AGBL1: variants seen among roughly 807,000 people sequenced by gnomAD.
AGBL1 encodes AGBL carboxypeptidase 1.
AGBL1 carries 130 observed loss-of-function variants against 118.9 expected under a neutral mutation model. The ratio of observed to expected loss-of-function variants is 1.09; its 90% CI spans 0.95 to 1.26. The LOEUF (loss-of-function observed/expected upper bound fraction) is 1.26. Ranked by LOEUF, AGBL1 falls within the 50% of genes most tolerant of loss-of-function variation. The probability of loss-of-function intolerance (pLI) is 0.00; values close to 1 mark genes in which losing one functional copy is unlikely to be tolerated. For synonymous variants in AGBL1, 555 were observed against 478.9 expected, an observed-to-expected ratio of 1.16 and a Z score of -2.08; for missense variants, 1,584 against 1,298.1, an observed-to-expected ratio of 1.22 and a Z score of -3.38.
At chr15:86,725,551 T>A (rs183893654) in intron 22 of AGBL1, among the ~76,000 whole-genome samples, 1 of 152,356 alleles carries the variant, frequency 6.6e-6, no homozygotes, top group East Asian at 1.9e-4. Context: ...AGACAAAGGC[T>A]TGAGATAAAT....
chr15:86,265,234 A>T (rs909921157), intron 11 of AGBL1, among the ~76,000 whole-genome samples: 24 of 152,206 alleles, frequency 1.6e-4, no homozygotes, highest in African/African-American at 5.1e-4. Flanking sequence ...CTACAAATTG[A>T]TAGGGGATCT....
intron 1 of AGBL1, among the ~76,000 whole-genome samples, chr15:86,125,635 A>G (rs1261350957): frequency 6.6e-6 from 1 of 152,204 alleles, no homozygotes; most frequent in Non-Finnish European, 1.5e-5. Flanking sequence ...ACTCTCTATG[A>G]CTGTATGTCC....
chr15:86,491,456 G>T (rs929193486), intron 18 of AGBL1, among the ~76,000 whole-genome samples: 3 of 152,080 alleles, frequency 2.0e-5, no homozygotes, highest in Non-Finnish European at 2.9e-5. Context: ...ATTCTGTGAG[G>T]CTTTCAGGCA....
chr15:86,850,918 A>G (rs1056972121), intron 22 of AGBL1, among the ~76,000 whole-genome samples: 6 of 152,190 alleles, frequency 3.9e-5, no homozygotes, highest in Non-Finnish European at 7.3e-5. Context: ...GTGAAGCATA[A>G]TATTTTATTA....
chr15:86,707,102 T>G (rs2086464195), intron 22 of AGBL1, among the ~76,000 whole-genome samples: 1 of 152,140 alleles, frequency 6.6e-6, no homozygotes, highest in Admixed American at 6.6e-5. Context: ...TCTCTAGTTT[T>G]GCTAGCTATG....
At chr15:86,867,944 A>G (rs1330729642) in intron 22 of AGBL1, among the ~76,000 whole-genome samples, 2 of 152,214 alleles carry the variant, frequency 1.3e-5, no homozygotes, top group African/African-American at 2.4e-5. Context: ...GGAAATAGCA[A>G]TCGTTACAGA....
chr15:86,675,206 G>A, intron 22 of AGBL1, among the ~76,000 whole-genome samples: 1 of 152,130 alleles, frequency 6.6e-6, no homozygotes, highest in East Asian at 1.9e-4. Context: ...GAGAAATTGA[G>A]TTGTTGGGGA....
intron 5 of AGBL1, among the ~76,000 whole-genome samples, chr15:86,221,661 G>A (rs1042787354): frequency 6.6e-6 from 1 of 152,128 alleles, no homozygotes; most frequent in Non-Finnish European, 1.5e-5. Context: ...GGGAGATGAA[G>A]TGCTTTCAGT....
chr15:86,890,239 G>GT lies in AGBL1; in HGVS notation c.3159-16840dup, dbSNP rs200647367. Among the ~76,000 whole-genome samples, 11 of 147,914 alleles carry GT rather than the reference G, an allele frequency of 7.4e-5. No individual in the cohort carries two copies. In the East Asian group the frequency reaches 7.8e-4, roughly 10 times the overall value. ...TCATATCCTTTGCCCACTTTTTAAT[G>GT]TTTTTTTTCTTGTAAAATTGTTTAA... is the stretch of plus-strand genomic sequence containing the variant. On this transcript the variant is annotated intron_variant, in intron 22 of 22. Transcript: ENST00000614907.
chr15:86,843,596 A>G (rs985728625), intron 22 of AGBL1, among the ~76,000 whole-genome samples: 9 of 152,170 alleles, frequency 5.9e-5, no homozygotes, highest in Non-Finnish European at 1.2e-4. Flanking sequence ...CCAGGCAGGG[A>G]AATAAGGCAA....
intron 6 of AGBL1, among the ~76,000 whole-genome samples, chr15:86,237,685 A>T (rs2078574853): frequency 6.6e-6 from 1 of 152,184 alleles, no homozygotes; most frequent in African/African-American, 2.4e-5. Context: ...TGGATAAAAA[A>T]ACTCCTATAC....
At position 86,827,324 on chromosome 15, in the gene AGBL1, CAT is replaced by C. The variant is rs1229896244; in HGVS notation, c.3159-79750_3159-79749del. Among the ~76,000 whole-genome samples, 13 of 2,772 alleles carry C rather than the reference CAT, an allele frequency of 4.7e-3. 5 individuals are homozygous for C. Among genetic ancestry groups the C allele is most frequent in the Admixed American group, 0.013 (2 of 160 alleles). The allele number at this position is 2,772 out of a possible 152,430, so 1.8% of individuals were successfully genotyped here. ...ATATGTATATATATATATACACACA[CAT>C]ATATATATATATGTGTATATATATA... On this transcript the variant is annotated intron_variant, in intron 22 of 22. Coordinates refer to ENST00000614907, the MANE Select transcript of AGBL1 (RefSeq NM_001386094.1).
At chr15:86,733,216 C>T (rs1334849150) in intron 22 of AGBL1, among the ~76,000 whole-genome samples, 2 of 151,954 alleles carry the variant, frequency 1.3e-5, no homozygotes, top group Non-Finnish European at 2.9e-5. Flanking sequence ...TGTCCAAAAG[C>T]CTGAGAACTG....
At position 86,818,743 on chromosome 15, in the gene AGBL1, TACA is replaced by T. The variant is rs1204505176; in HGVS notation, c.3159-88340_3159-88338del. Among the ~76,000 whole-genome samples the T allele has an allele frequency of 2.0e-5, 3 of 152,280 alleles. No homozygotes were observed. The East Asian group carries it at 5.8e-4, about 29-fold the overall frequency. ...GGAATAAATACTTGCAGGCCAGTAG[TACA>T]ACATCGTGGCTCAGCATAGTAATTT... is the stretch of plus-strand genomic sequence containing the variant. On this transcript the variant is annotated intron_variant, in intron 22 of 22. Coordinates refer to ENST00000614907, the MANE Select transcript of AGBL1 (RefSeq NM_001386094.1).
At chr15:86,797,580 AC>A (rs1352404009) in intron 22 of AGBL1, among the ~76,000 whole-genome samples, 8 of 152,230 alleles carry the variant, frequency 5.3e-5, no homozygotes, top group African/African-American at 1.9e-4. Context: ...ATCTCAGATT[AC>A]TGAGTGATCA....
intron 16 of AGBL1, among the ~76,000 whole-genome samples, chr15:86,286,821 G>C (rs112832853): frequency 6.0e-5 from 9 of 150,584 alleles, no homozygotes; most frequent in African/African-American, 1.5e-4. Flanking sequence ...CTGAACATAG[G>C]GGTGTATACA....
chr15:86,919,764 T>C (rs2080466323), downstream of AGBL1, among the ~76,000 whole-genome samples: 1 of 152,220 alleles, frequency 6.6e-6, no homozygotes, highest in Non-Finnish European at 1.5e-5. Flanking sequence ...CACGATGTTT[T>C]ATAATTGGTG....
intron 22 of AGBL1, among the ~76,000 whole-genome samples, chr15:86,801,642 G>T (rs999456766): frequency 6.6e-6 from 1 of 152,050 alleles, no homozygotes; most frequent in African/African-American, 2.4e-5. Flanking sequence ...ATCTAGATCT[G>T]TTTAACCTTC....
Position 86,082,241 on chromosome 15 carries a change from G to C in AGBL1, c.51+2218G>C, listed in dbSNP as rs1250167960. Among the ~76,000 whole-genome samples the C allele has an allele frequency of 2.0e-5, 3 of 152,198 alleles. No individual in the cohort carries two copies. In the East Asian group the frequency reaches 5.8e-4, roughly 29 times the overall value. ...GATTTGATGTCCTGTCCCCATCCCT[G>C]CTCCCCATGGACTTAAACTAGGTGA... is the stretch of plus-strand genomic sequence containing the variant. On this transcript the variant is annotated intron_variant, in intron 1 of 22. Transcript: ENST00000614907.
Sources: gnomAD v4.1 joint callset for allele counts (sites outside exome capture counted in the v4.1 genomes callset) on GRCh38, gnomAD v4.1.1 for gene constraint, MANE v1.5 for transcripts, NCBI Gene and HGNC (gene_info 2026-07-23, HGNC 2026-07-21) for gene names.